The following RPN2 variants were observed in gnomAD, a reference collection of about 807,000 sequenced individuals.
RPN2 encodes the protein ribophorin II.
A neutral mutation model predicts 71.4 loss-of-function variants in RPN2; 29 were observed. The observed-to-expected ratio is 0.41, with a 90% confidence interval of 0.30 to 0.55. The LOEUF is 0.55. Among genes scored for constraint, RPN2 ranks in the 20% least tolerant of loss-of-function variants. RPN2 has a pLI of 0.35. For missense variants in RPN2, 726 were observed against 774.1 expected, an observed-to-expected ratio of 0.94 and a Z score of 0.74; for synonymous variants, 308 against 305.0, an observed-to-expected ratio of 1.01 and a Z score of -0.10.
At chr20:37,208,267 TAAAAAA>T (rs33943502) in intron 7 of RPN2, among the ~76,000 whole-genome samples, 2 of 141,528 alleles carry the variant, frequency 1.4e-5, no homozygotes, top group Non-Finnish European at 1.5e-5. Flanking sequence ...AGACCCTGTC[TAAAAAA>T]AAAAAAAAAA....
chr20:37,211,516 C>G (rs949995045), intron 8 of RPN2, among the ~76,000 whole-genome samples: 3 of 151,250 alleles, frequency 2.0e-5, no homozygotes, highest in African/African-American at 7.3e-5. Flanking sequence ...TGGTGCACGC[C>G]TGTATTCCCA....
At chr20:37,229,786 A>C in intron 12 of RPN2, 187 bp from the exon 13 acceptor site, 1 of 640,652 alleles carries the variant, frequency 1.6e-6, no homozygotes, top group Non-Finnish European at 2.8e-6. Flanking sequence ...AAGCATTTTC[A>C]GCAAATACTT....
chr20:37,191,971 C>A (rs910964821), intron 2 of RPN2, among the ~76,000 whole-genome samples: 1 of 142,930 alleles, frequency 7.0e-6, no homozygotes, highest in African/African-American at 2.6e-5. Context: ...GCATGCACCT[C>A]TAGTCCTAGC....
chr20:37,180,250 A>G (rs1162697193), intron 1 of RPN2, among the ~76,000 whole-genome samples: 2 of 152,298 alleles, frequency 1.3e-5, no homozygotes, highest in African/African-American at 4.8e-5. Context: ...GAAGTTCAGG[A>G]TAGTAAAGTG....
chr20:37,180,838 C>T (rs1000474134), intron 1 of RPN2, among the ~76,000 whole-genome samples: 1 of 152,180 alleles, frequency 6.6e-6, no homozygotes, highest in African/African-American at 2.4e-5. Context: ...CTGCTCTGTC[C>T]TTGCACCTGC....
At chr20:37,211,645 T>TA (rs34192838) in intron 8 of RPN2, among the ~76,000 whole-genome samples, 145 of 140,374 alleles carry the variant, frequency 1.0e-3, no homozygotes, top group East Asian at 4.3e-4. Context: ...CCATCTCTAT[T>TA]AAAAAAAAAA....
chr20:37,234,216 C>T, intron 15 of RPN2, 121 bp downstream of exon 15: 2 of 958,910 alleles, frequency 2.1e-6, no homozygotes, highest in Non-Finnish European at 3.3e-6. Context: ...CATTACATTT[C>T]CCTCTTCCTC....
At chr20:37,194,044 G>T (rs996218964) in intron 2 of RPN2, among the ~76,000 whole-genome samples, 3 of 152,172 alleles carry the variant, frequency 2.0e-5, no homozygotes, top group African/African-American at 7.2e-5. Context: ...GGGCGCGCAT[G>T]TTTCCCAGTG....
intron 9 of RPN2, among the ~76,000 whole-genome samples, chr20:37,216,912 C>T (rs1012792411): frequency 6.7e-6 from 1 of 149,320 alleles, no homozygotes. Flanking sequence ...TGTTTATATG[C>T]ATTGCTTTTT....
intron 6 of RPN2, 54 bp downstream of exon 6, chr20:37,204,955 C>G: frequency 6.2e-7 from 1 of 1,613,052 alleles, no homozygotes; most frequent in South Asian, 1.1e-5. Flanking sequence ...TCAGCTGTAT[C>G]TGCTAAGGAT....
At chr20:37,182,724 C>G (rs1418858926) in intron 1 of RPN2, among the ~76,000 whole-genome samples, 2 of 152,136 alleles carry the variant, frequency 1.3e-5, no homozygotes, top group African/African-American at 2.4e-5. Context: ...GATTCTAGTT[C>G]AAGCTTAATT....
At chr20:37,208,267 TAAA>T (rs33943502) in intron 7 of RPN2, among the ~76,000 whole-genome samples, 102,942 of 141,336 alleles carry the variant, frequency 0.73, 37,351 homozygotes, top group Middle Eastern at 0.83. Context: ...AGACCCTGTC[TAAA>T]AAAAAAAAAA....
At chr20:37,188,035 T>G (rs1219579598) in intron 2 of RPN2, among the ~76,000 whole-genome samples, 1 of 152,218 alleles carries the variant, frequency 6.6e-6, no homozygotes, top group Non-Finnish European at 1.5e-5. Context: ...GTTTAGAGAT[T>G]TTAATATGCA....
chr20:37,210,975 C>T (rs1041207966), intron 8 of RPN2, among the ~76,000 whole-genome samples: 2 of 151,930 alleles, frequency 1.3e-5, no homozygotes, highest in Non-Finnish European at 2.9e-5. Context: ...ATTGCTTGAG[C>T]CTAGGAGTTT....
At chr20:37,211,502 G>A (rs909602251) in intron 8 of RPN2, among the ~76,000 whole-genome samples, 1 of 151,284 alleles carries the variant, frequency 6.6e-6, no homozygotes, top group South Asian at 2.1e-4. Flanking sequence ...TTAGCCAGAC[G>A]TGGTGGTGCA....
chr20:37,225,361 A>G (rs1263910869), intron 10 of RPN2, among the ~76,000 whole-genome samples: 1 of 152,168 alleles, frequency 6.6e-6, no homozygotes, highest in Non-Finnish European at 1.5e-5. Flanking sequence ...GTGTGCCTGC[A>G]GAGGCCACAC....
intron 13 of RPN2, among the ~76,000 whole-genome samples, chr20:37,231,201 T>C (rs931629873): frequency 2.6e-5 from 4 of 151,820 alleles, no homozygotes; most frequent in Admixed American, 2.6e-4. Flanking sequence ...AGCTGGAAAG[T>C]GAGGTGAAGA....
rs73620281 is a variant in RPN2 at position 37,197,190 on chromosome 20, G to A, written c.208-1207G>A. On this transcript the variant is annotated intron_variant, in intron 2 of 16. Transcript: ENST00000237530. ...TGATGCAGGCAGCATGGAGAGGGAG[G>A]GTCAGTCTTGAGGGCATTTCATGCT... 8.5e-5 allele frequency among the ~76,000 whole-genome samples: 13 copies of A among 152,164 alleles called. 1 individual carries two copies. In the East Asian group the frequency reaches 2.5e-3, roughly 29 times the overall value.
chr20:37,190,498 A>G (rs1305080769), intron 2 of RPN2, among the ~76,000 whole-genome samples: 2 of 151,236 alleles, frequency 1.3e-5, no homozygotes, highest in South Asian at 2.1e-4. Context: ...AGATGGAGAT[A>G]ATAATACTCA....
Sources: gnomAD v4.1 joint callset for allele counts (sites outside exome capture counted in the v4.1 genomes callset) on GRCh38, gnomAD v4.1.1 for gene constraint, MANE v1.5 for transcripts, NCBI Gene and HGNC (gene_info 2026-07-23, HGNC 2026-07-21) for gene names.